DTX1: variants seen among roughly 807,000 people sequenced by gnomAD.
DTX1 encodes E3 ubiquitin-protein ligase DTX1.
Under a neutral mutation model 57.8 loss-of-function variants are expected in DTX1, and 26 were observed. That is an observed-to-expected ratio of 0.45 (90% CI 0.33 to 0.62). DTX1 has a LOEUF of 0.62. DTX1 is among the 20% of genes least tolerant of loss of function. The pLI is 0.02. For missense variants in DTX1, 704 were observed against 895.3 expected (o/e 0.79, Z 2.73); for synonymous variants, 398 against 394.1 (o/e 1.01, Z -0.12).
At chr12:113,069,715 A>G (rs1476633278) in intron 2 of DTX1, among the ~76,000 whole-genome samples, 1 of 152,116 alleles carries the variant, frequency 6.6e-6, no homozygotes, top group African/African-American at 2.4e-5. Flanking sequence ...CAGTCTCCCC[A>G]TCTGTCCGAT....
At position 113,056,952 on chromosome 12, in the gene DTX1, C is replaced by G. The variant is rs1034148425; in HGVS notation, c.-745+8C>G. 1 of 152,554 alleles carries G rather than the reference C, an allele frequency of 6.6e-6. No individual in the cohort carries two copies. The highest frequency in any genetic ancestry group is 1.9e-4 in the East Asian group (1 of 5,198). The allele number at this position is 152,554 out of a possible 1,614,324, so 9.5% of individuals were successfully genotyped here. A position where few individuals can be genotyped will look rare whatever the true frequency, so the allele number is the denominator to read the frequency against. ...CGGAGACGAAGAGAGGCGGTGAGAA[C>G]GCGGGTGCTTAGGGACCCCACCCCC... On this transcript the variant is annotated splice_region_variant and intron_variant, in intron 1 of 9. Transcript: ENST00000548759.
Position 113,093,176 on chromosome 12 carries a change from C to A in DTX1, c.956C>A (p.Pro319Gln), listed in dbSNP as rs781104104. The A allele has an allele frequency of 2.5e-6, 4 of 1,599,388 alleles. No individual in the cohort carries two copies. In the African/African-American group the frequency reaches 4.0e-5, roughly 16 times the overall value. ...ASIPPGVPAL[P>Q]VKNLNGTGPV... ...TCTCCCCGCAGGGTCCCCGCACTCCCGGTGAAGAACTTGAATGGTACTGGG... is the reference window on the plus strand; with the variant it reads ...TCTCCCCGCAGGGTCCCCGCACTCCAGGTGAAGAACTTGAATGGTACTGGG... Residue 319 changes from proline to glutamine, a missense_variant, in exon 4 of 10, where the codon CCG becomes CAG. By Grantham distance (76) the Pro-to-Gln change is moderately conservative. Around this residue, in one of 3 missense-constraint regions of DTX1, gnomAD observed 299 missense variants for 311.2 expected, o/e 0.96. Coordinates refer to ENST00000548759, the MANE Select transcript of DTX1 (RefSeq NM_004416.3). This position sits in a 1 kb window ranked among gnomAD's most constrained non-coding sequence, Gnocchi z 4.2.
In DTX1 at chr12:113,096,999, G is replaced by A. The variant is rs554844980; in HGVS notation, c.*60G>A. 47 of 1,513,070 alleles carry A rather than the reference G, an allele frequency of 3.1e-5. No homozygotes were observed. The highest frequency in any genetic ancestry group is 4.1e-5 in the Non-Finnish European group (46 of 1,128,192). The allele number at this position is 1,513,070 out of a possible 1,614,324, so 93.7% of individuals were successfully genotyped here. A position where few individuals can be genotyped will look rare whatever the true frequency, so the allele number is the denominator to read the frequency against. ...CCCTGGTCCGGCAAATGCCTCCTTC[G>A]CCAGGTGTGTCCTGGTAGCCCAGGT... On this transcript the variant is annotated 3_prime_UTR_variant, in exon 10 of 10. Coordinates refer to ENST00000548759, the MANE Select transcript of DTX1 (RefSeq NM_004416.3).
At chr12:113,060,176 C>T (rs2044655853) in intron 2 of DTX1, among the ~76,000 whole-genome samples, 1 of 152,126 alleles carries the variant, frequency 6.6e-6, no homozygotes, top group Non-Finnish European at 1.5e-5. Context: ...AGGCATTGAC[C>T]ACCATCACTG....
In DTX1 at chr12:113,080,082, T is replaced by C. The variant is rs548851841; in HGVS notation, c.941+1977T>C. 3.2e-4 allele frequency among the ~76,000 whole-genome samples: 45 copies of C among 139,958 alleles called. 1 individual carries two copies. In the East Asian group the frequency reaches 7.7e-3, roughly 24 times the overall value. The allele number at this position is 139,958 out of a possible 152,430, so 91.8% of individuals were successfully genotyped here. ...ATGGAGGGCGGGGAAGCTGTAATTTTCCAGGGATGCATCACAGCCACTACC... is the reference window on the plus strand; with the variant it reads ...ATGGAGGGCGGGGAAGCTGTAATTTCCCAGGGATGCATCACAGCCACTACC... On this transcript the variant is annotated intron_variant, in intron 3 of 9. Coordinates refer to ENST00000548759, the MANE Select transcript of DTX1 (RefSeq NM_004416.3).
At chr12:113,082,758 G>GCTAAT (rs1027205903) in intron 3 of DTX1, among the ~76,000 whole-genome samples, 1 of 152,082 alleles carries the variant, frequency 6.6e-6, no homozygotes, top group African/African-American at 2.4e-5. Flanking sequence ...ACCACACCCA[G>GCTAAT]CTAATTTTTT....
At chr12:113,092,585 GA>G (rs1463074686) in intron 3 of DTX1, among the ~76,000 whole-genome samples, 1 of 151,830 alleles carries the variant, frequency 6.6e-6, no homozygotes, top group Non-Finnish European at 1.5e-5. Context: ...TTCCAGAAGA[GA>G]AAAAAAATTC....
chr12:113,091,047 T>C (rs1950243690), intron 3 of DTX1, among the ~76,000 whole-genome samples: 1 of 152,174 alleles, frequency 6.6e-6, no homozygotes, highest in South Asian at 2.1e-4. Flanking sequence ...CGCCGGGGGC[T>C]TGTAGGGCTG....
At chr12:113,059,776 C>T (rs893297546) in intron 2 of DTX1, among the ~76,000 whole-genome samples, 5 of 152,142 alleles carry the variant, frequency 3.3e-5, no homozygotes, top group South Asian at 2.1e-4. Flanking sequence ...TAGAGCTGTG[C>T]CAACCAATAT....
chr12:113,094,952 G>T lies in DTX1; in HGVS notation c.1386+5G>T, dbSNP rs1193022914. The T allele has an allele frequency of 6.2e-7, 1 of 1,611,952 alleles. No homozygotes were observed. The highest frequency in any genetic ancestry group is 1.7e-5 in the Admixed American group (1 of 59,984). On this transcript the variant is annotated splice_donor_5th_base_variant and intron_variant, in intron 7 of 9. Transcript: ENST00000548759. ...ATGTACTCCAATGGCAACAAGGTGG[G>T]TTGGGCGGGACAATGGCTGAGGAGT...
chr12:113,082,338 C>G (rs1337184736), intron 3 of DTX1, among the ~76,000 whole-genome samples: 1 of 152,230 alleles, frequency 6.6e-6, no homozygotes, highest in Non-Finnish European at 1.5e-5. Context: ...GGGAAAATCC[C>G]TCTGGCTCTC....
chr12:113,065,105 A>G (rs1024304572), intron 2 of DTX1, among the ~76,000 whole-genome samples: 2 of 152,160 alleles, frequency 1.3e-5, no homozygotes, highest in Admixed American at 1.3e-4. Flanking sequence ...CTGGGCTGCC[A>G]GCTGCTGCCC....
rs1296816734 is a variant in DTX1, at chr12:113,087,882, G to T, written c.942-5280G>T. ...GGGGACTTGGCTGCCCTAAAGGGAG[G>T]GTCAGTTGTCAGTGTTTCGGGATCC... On this transcript the variant is annotated intron_variant, in intron 3 of 9. Transcript: ENST00000548759. Among the ~76,000 whole-genome samples the T allele has an allele frequency of 5.9e-5, 9 of 152,138 alleles. No homozygotes were observed. The South Asian group carries it at 1.0e-3, about 18-fold the overall frequency.
intron 3 of DTX1, among the ~76,000 whole-genome samples, chr12:113,080,391 G>T (rs1374914201): frequency 6.6e-6 from 1 of 152,186 alleles, no homozygotes; most frequent in African/African-American, 2.4e-5. Flanking sequence ...AGAATGACAA[G>T]AAGAGTGGGT....
chr12:113,057,806 C>G lies in DTX1; in HGVS notation c.-387C>G, dbSNP rs2044637436. 5.0e-6 allele frequency: 1 copy of G among 200,830 alleles called. No individual in the cohort carries two copies. The highest frequency in any genetic ancestry group is 1.1e-4 in the South Asian group (1 of 8,950). 12.4% of individuals were successfully genotyped at this position (200,830 alleles called of 1,614,324 possible). On this transcript the variant is annotated 5_prime_UTR_variant, in exon 2 of 10. Coordinates refer to ENST00000548759, the MANE Select transcript of DTX1 (RefSeq NM_004416.3). ...GCCCAGGCCTCCTGGGTGACAGGCC[C>G]TGTCTGGCGGGGAAGAGGGACCAAG...
rs1592855475 is a variant in DTX1 at position 113,093,060 on chromosome 12, A to C, written c.942-102A>C. ...GTTGGCAGAGAGGTACAAAGAGGCCAGGGTGTGTGGCCCAGGAGCCAGAGA... is the reference window on the plus strand; with the variant it reads ...GTTGGCAGAGAGGTACAAAGAGGCCCGGGTGTGTGGCCCAGGAGCCAGAGA... On this transcript the variant is annotated intron_variant, in intron 3 of 9. Coordinates refer to ENST00000548759, the MANE Select transcript of DTX1 (RefSeq NM_004416.3). The surrounding 1 kb of genome is among the most constrained non-coding windows in gnomAD (Gnocchi z 4.2). 8.5e-7 allele frequency: 1 copy of C among 1,176,838 alleles called. No individual in the cohort carries two copies. The highest frequency in any genetic ancestry group is 1.5e-5 in the African/African-American group (1 of 65,344). 72.9% of individuals were successfully genotyped at this position (1,176,838 alleles called of 1,614,324 possible).
chr12:113,078,059 CCCCAGCGCA>C lies in DTX1; in HGVS notation c.898_906del (p.Gln300_Thr302del). 1 of 1,385,946 alleles carries C rather than the reference CCCCAGCGCA, an allele frequency of 7.2e-7. No individual in the cohort carries two copies. The highest frequency in any genetic ancestry group is 9.4e-7 in the Non-Finnish European group (1 of 1,068,732). The allele number at this position is 1,385,946 out of a possible 1,614,324, so 85.9% of individuals were successfully genotyped here. On this transcript the variant is annotated inframe_deletion, in exon 3 of 10. Transcript: ENST00000548759. ...GCAGAACAACCTCAACCGGCCCGGG[CCCCAGCGCA>C]CCACCAGCGTGAGCGCGCGCGCCTC...
At chr12:113,072,696 CTTTTTTTTTTTTT>C (rs60642403) in intron 2 of DTX1, among the ~76,000 whole-genome samples, 3 of 71,148 alleles carry the variant, frequency 4.2e-5, no homozygotes, top group African/African-American at 1.0e-4. Context: ...GAGAGATTTT[CTTTTTTTTTTTTT>C]TTTTTTTTTT....
chr12:113,087,505 G>T (rs1015413061), intron 3 of DTX1, among the ~76,000 whole-genome samples: 1 of 152,048 alleles, frequency 6.6e-6, no homozygotes, highest in East Asian at 1.9e-4. Context: ...GGGGGAGGAG[G>T]GGGAGAAGGC....
Sources: gnomAD v4.1 joint callset for allele counts (sites outside exome capture counted in the v4.1 genomes callset) on GRCh38, gnomAD v4.1.1 for gene constraint, gnomAD v4.1.1 regional missense constraint, Gnocchi (gnomAD v3.1) non-coding constraint, MANE v1.5 for transcripts, NCBI Gene and HGNC (gene_info 2026-07-23, HGNC 2026-07-21) for gene names.